KIF26B: variants seen among roughly 807,000 people sequenced by gnomAD.
KIF26B encodes the protein kinesin family member 26B.
A neutral mutation model predicts 151.2 loss-of-function variants in KIF26B; 63 were observed. The observed-to-expected ratio is 0.42, with a 90% confidence interval of 0.34 to 0.51. The LOEUF (loss-of-function observed/expected upper bound fraction) is 0.51. Ranked by LOEUF, KIF26B falls within the 20% of genes least tolerant of loss-of-function variation. KIF26B has a pLI of 0.07. For missense variants in KIF26B, 2,813 were observed against 2,913.6 expected, an observed-to-expected ratio of 0.97 and a Z score of 0.79; for synonymous variants, 1,357 against 1,262.1, an observed-to-expected ratio of 1.08 and a Z score of -1.59.
At chr1:245,518,083 G>C (rs186475222) in intron 4 of KIF26B, among the ~76,000 whole-genome samples, 1 of 151,976 alleles carries the variant, frequency 6.6e-6, no homozygotes, top group Non-Finnish European at 1.5e-5. Flanking sequence ...TCTTGGCCAG[G>C]CTGGTCTTGA....
chr1:245,264,598 A>C (rs531777735), intron 2 of KIF26B, among the ~76,000 whole-genome samples: 3 of 152,290 alleles, frequency 2.0e-5, no homozygotes, highest in Admixed American at 6.5e-5. Context: ...CAAAACAAAA[A>C]AAAACAGAGC....
intron 2 of KIF26B, among the ~76,000 whole-genome samples, chr1:245,162,765 C>A (rs1347961428): frequency 6.6e-6 from 1 of 152,200 alleles, no homozygotes; most frequent in Non-Finnish European, 1.5e-5. Flanking sequence ...GATATCAACT[C>A]AGTTTGTATC....
intron 2 of KIF26B, among the ~76,000 whole-genome samples, chr1:245,348,993 C>T (rs1179906801): frequency 6.6e-6 from 1 of 152,180 alleles, no homozygotes; most frequent in African/African-American, 2.4e-5. Flanking sequence ...TTTTCCCATG[C>T]CCTGCCTTAC....
intron 3 of KIF26B, among the ~76,000 whole-genome samples, chr1:245,413,767 GC>G (rs1435827143): frequency 6.6e-6 from 1 of 152,176 alleles, no homozygotes; most frequent in Non-Finnish European, 1.5e-5. Context: ...GCAGGGAGGG[GC>G]TCTGAGGGCA....
chr1:245,190,828 G>C (rs1669094287), intron 2 of KIF26B, among the ~76,000 whole-genome samples: 1 of 151,614 alleles, frequency 6.6e-6, no homozygotes, highest in African/African-American at 2.4e-5. Flanking sequence ...GGGAAGCCAA[G>C]GTGGGTGGAT....
intron 2 of KIF26B, among the ~76,000 whole-genome samples, chr1:245,192,647 T>C (rs148243123): frequency 0.011 from 1,669 of 152,340 alleles, 30 homozygotes; most frequent in African/African-American, 0.037. Flanking sequence ...GAGGTATGTT[T>C]ATTTTAGGGG....
At chr1:245,190,430 G>A (rs1223470095) in intron 2 of KIF26B, among the ~76,000 whole-genome samples, 1 of 151,962 alleles carries the variant, frequency 6.6e-6, no homozygotes, top group Non-Finnish European at 1.5e-5. Context: ...TAGATTGGAG[G>A]GTACAGGGCA....
At chr1:245,377,169 C>T (rs1182069317) in intron 3 of KIF26B, among the ~76,000 whole-genome samples, 1 of 152,262 alleles carries the variant, frequency 6.6e-6, no homozygotes, top group Non-Finnish European at 1.5e-5. Flanking sequence ...CCCGCCTCAG[C>T]CTCCCAAAGT....
At chr1:245,187,147 A>C (rs1359073327) in intron 2 of KIF26B, among the ~76,000 whole-genome samples, 1 of 152,150 alleles carries the variant, frequency 6.6e-6, no homozygotes, top group Non-Finnish European at 1.5e-5. Context: ...GAGCCACTGC[A>C]CTCAGCCAAG....
In KIF26B at chr1:245,317,874, A is replaced by G. The variant is rs117597964; in HGVS notation, c.466-48960A>G. Among the ~76,000 whole-genome samples the G allele has an allele frequency of 2.3e-3, 343 of 152,306 alleles. 15 individuals carry two copies. In the East Asian group the frequency reaches 0.059, roughly 26 times the overall value. ...GATGCGCAGAGTTAAGGTCTAAAAC[A>G]AGAAAAGTTTGCTAACGTAGAGTGG... On this transcript the variant is annotated intron_variant, in intron 2 of 14. Coordinates refer to ENST00000407071, the MANE Select transcript of KIF26B (RefSeq NM_018012.4).
At chr1:245,290,049 T>A (rs12730302) in intron 2 of KIF26B, among the ~76,000 whole-genome samples, 14,193 of 152,168 alleles carry the variant, frequency 0.093, 707 homozygotes, top group Middle Eastern at 0.11. Context: ...CCACTTTATT[T>A]TAGAATTGCC....
At chr1:245,510,206 G>T (rs1354256473) in intron 4 of KIF26B, among the ~76,000 whole-genome samples, 2 of 152,224 alleles carry the variant, frequency 1.3e-5, no homozygotes, top group African/African-American at 4.8e-5. Flanking sequence ...GCAAAGGGCT[G>T]TTTGTTGGGT....
intron 2 of KIF26B, among the ~76,000 whole-genome samples, chr1:245,282,312 G>C (rs1269100330): frequency 6.6e-6 from 1 of 152,120 alleles, no homozygotes; most frequent in Non-Finnish European, 1.5e-5. Flanking sequence ...AAAGAACAAA[G>C]CTGGAGGCAT....
At chr1:245,333,113 C>G (rs994640766) in intron 2 of KIF26B, among the ~76,000 whole-genome samples, 2 of 152,100 alleles carry the variant, frequency 1.3e-5, no homozygotes, top group African/African-American at 4.8e-5. Flanking sequence ...TGATAGAATA[C>G]TGGAAGGCCC....
chr1:245,607,924 C>T (rs2043474413), intron 7 of KIF26B, among the ~76,000 whole-genome samples, 180 bp downstream of exon 7: 1 of 152,186 alleles, frequency 6.6e-6, no homozygotes, highest in Non-Finnish European at 1.5e-5. Context: ...TGTAGGTGGA[C>T]ACCCATTCAT....
intron 3 of KIF26B, among the ~76,000 whole-genome samples, chr1:245,390,921 CAAAAA>C (rs796799193): frequency 3.6e-3 from 49 of 13,434 alleles, no homozygotes; most frequent in South Asian, 0.032. Flanking sequence ...GACCCTGTCT[CAAAAA>C]AAAAAAAAAA....
At chr1:245,237,887 G>A (rs549233131) in intron 2 of KIF26B, among the ~76,000 whole-genome samples, 13 of 151,980 alleles carry the variant, frequency 8.6e-5, no homozygotes, top group South Asian at 2.1e-4. Flanking sequence ...TTAATCAGGC[G>A]TGGTGACATG....
rs56332945 is a variant in KIF26B, at chr1:245,169,328, G to GGTGTGTGGGTGTGGGT, written c.465+12652_465+12653insGGTGTGGGTGTGTGTG. Among the ~76,000 whole-genome samples the GGTGTGTGGGTGTGGGT allele has an allele frequency of 1.9e-4, 25 of 134,176 alleles. No homozygotes were observed. In the East Asian group the frequency reaches 4.7e-3, roughly 25 times the overall value. The allele number at this position is 134,176 out of a possible 152,430, so 88.0% of individuals were successfully genotyped here. On this transcript the variant is annotated intron_variant, in intron 2 of 14. Coordinates refer to ENST00000407071, the MANE Select transcript of KIF26B (RefSeq NM_018012.4). ...TGCACTCGACTTTCTAACGGGCCAT[G>GGTGTGTGGGTGTGGGT]GTGTGTGTGTGTGTGTGTGTGTGTG... is the stretch of plus-strand genomic sequence containing the variant.
chr1:245,423,405 G>C (rs530993255), intron 4 of KIF26B, among the ~76,000 whole-genome samples: 1 of 151,856 alleles, frequency 6.6e-6, no homozygotes, highest in African/African-American at 2.4e-5. Context: ...ATCCATCCTC[G>C]TTTCCTCTCA....
Sources: allele counts gnomAD v4.1 joint callset (sites outside exome capture counted in the v4.1 genomes callset), GRCh38; gene constraint gnomAD v4.1.1; transcripts MANE v1.5; gene names NCBI Gene and HGNC (gene_info 2026-07-23, HGNC 2026-07-21).